Variants in ANKRD44 observed in about 807,000 individuals in gnomAD.
ANKRD44 encodes serine/threonine-protein phosphatase 6 regulatory ankyrin repeat subunit B.
ANKRD44 carries 35 observed loss-of-function variants against 116.0 expected under a neutral mutation model. The ratio of observed to expected loss-of-function variants is 0.30; its 90% CI spans 0.23 to 0.40. ANKRD44 has a LOEUF of 0.40. ANKRD44 is among the 10% of genes least tolerant of loss of function. The pLI is 1.00. For synonymous variants in ANKRD44, 435 were observed against 461.8 expected, an observed-to-expected ratio of 0.94 and a Z score of 0.74; for missense variants, 1,014 against 1,242.6, an observed-to-expected ratio of 0.82 and a Z score of 2.77.
At chr2:197,143,174 CT>C (rs1362137824) in intron 3 of ANKRD44, among the ~76,000 whole-genome samples, 35 of 140,582 alleles carry the variant, frequency 2.5e-4, no homozygotes, top group African/African-American at 8.4e-4. Context: ...GAGATGGAGT[CT>C]TTTTTTTATT....
At chr2:197,054,894 A>G in intron 16 of ANKRD44, among the ~76,000 whole-genome samples, 1 of 152,170 alleles carries the variant, frequency 6.6e-6, no homozygotes, top group East Asian at 1.9e-4. Context: ...CCCAAGGTAA[A>G]TTGAGGAAAA....
rs185864197 is a variant in ANKRD44 at position 197,059,161 on chromosome 2, G to A, written c.1650+19542C>T. On this transcript the variant is annotated intron_variant, in intron 16 of 27. Coordinates refer to ENST00000282272, the MANE Select transcript of ANKRD44 (RefSeq NM_001195144.2). ...GTAGAGGGGTAGGGGTGGGTTGGAA[G>A]GGCATGTAGCAGCTGAGGGACATGG... 8.5e-5 allele frequency among the ~76,000 whole-genome samples: 13 copies of A among 152,216 alleles called. No individual in the cohort carries two copies. The East Asian group carries it at 2.5e-3, about 29-fold the overall frequency.
Position 197,293,087 on chromosome 2 carries a change from T to C in ANKRD44, c.27+17491A>G, listed in dbSNP as rs73988424. ...CAATATTTTATATCACCAATCTTTT[T>C]ACTAGGGTTATTTACATAACCAAAA... is the stretch of plus-strand genomic sequence containing the variant. On this transcript the variant is annotated intron_variant, in intron 1 of 27. Transcript: ENST00000282272. Among the ~76,000 whole-genome samples, 628 of 152,306 alleles carry C rather than the reference T, an allele frequency of 4.1e-3. 4 individuals are homozygous for C. Among genetic ancestry groups the C allele is most frequent in the African/African-American group, 0.013 (547 of 41,552 alleles).
downstream of ANKRD44, among the ~76,000 whole-genome samples, chr2:196,983,549 C>G (rs1344881458): frequency 2.0e-5 from 3 of 152,120 alleles, no homozygotes; most frequent in Non-Finnish European, 4.4e-5. Flanking sequence ...TTCTTAGGAA[C>G]CCCAACTATA....
intron 1 of ANKRD44, chr2:197,198,220 T>A (rs2081004714): frequency 6.6e-6 from 1 of 152,236 alleles, no homozygotes; most frequent in Admixed American, 6.5e-5. Flanking sequence ...TAGACAGGGA[T>A]CCTATCATGG....
At chr2:197,206,708 C>T (rs2081214785) in intron 1 of ANKRD44, among the ~76,000 whole-genome samples, 1 of 152,132 alleles carries the variant, frequency 6.6e-6, no homozygotes, top group Non-Finnish European at 1.5e-5. Context: ...GAGCGAGACT[C>T]CTCCGTCTCA....
intron 16 of ANKRD44, among the ~76,000 whole-genome samples, chr2:197,066,643 A>T (rs763255858): frequency 6.6e-6 from 1 of 152,194 alleles, no homozygotes; most frequent in African/African-American, 2.4e-5. Context: ...TTATACACCA[A>T]TAACAGACAA....
Position 196,988,931 on chromosome 2 carries a change from G to A in ANKRD44, c.*660C>T, listed in dbSNP as rs1181216081. The A allele has an allele frequency of 1.0e-6, 1 of 985,304 alleles. No homozygotes were observed. Among genetic ancestry groups the A allele is most frequent in the Non-Finnish European group, 1.2e-6 (1 of 829,954 alleles). 61.0% of individuals were successfully genotyped at this position (985,304 alleles called of 1,614,324 possible). On this transcript the variant is annotated 3_prime_UTR_variant, in exon 28 of 28. Coordinates refer to ENST00000282272, the MANE Select transcript of ANKRD44 (RefSeq NM_001195144.2). ...TGTATATGATCCACTACACATCTGAGTTTTCATCTCGCAGAAGGGCATCCA... is the reference window on the plus strand; with the variant it reads ...TGTATATGATCCACTACACATCTGAATTTTCATCTCGCAGAAGGGCATCCA...
intron 16 of ANKRD44, among the ~76,000 whole-genome samples, chr2:197,065,977 A>C (rs2077424253): frequency 6.6e-6 from 1 of 152,188 alleles, no homozygotes; most frequent in Non-Finnish European, 1.5e-5. Flanking sequence ...CCTGGCAGAG[A>C]CACAACAAAA....
intron 1 of ANKRD44, among the ~76,000 whole-genome samples, chr2:197,238,130 C>T (rs1030359501): frequency 1.3e-5 from 2 of 152,200 alleles, no homozygotes; most frequent in East Asian, 3.8e-4. Flanking sequence ...ACAGTTTGTA[C>T]AGTCATTATA....
intron 9 of ANKRD44, among the ~76,000 whole-genome samples, chr2:197,105,226 G>C (rs2078397371): frequency 6.6e-6 from 1 of 151,986 alleles, no homozygotes; most frequent in African/African-American, 2.4e-5. Context: ...TGATTCTCCT[G>C]TCTCATCCTC....
At chr2:197,240,003 T>C (rs1204604102) in intron 1 of ANKRD44, among the ~76,000 whole-genome samples, 1 of 152,194 alleles carries the variant, frequency 6.6e-6, no homozygotes, top group Admixed American at 6.5e-5. Context: ...TTTTTGGTCA[T>C]ATAATTTCTA....
intron 1 of ANKRD44, among the ~76,000 whole-genome samples, chr2:197,223,324 A>C (rs1033959237): frequency 2.0e-5 from 3 of 152,174 alleles, no homozygotes; most frequent in Non-Finnish European, 1.5e-5. Flanking sequence ...AGGTTTTTAA[A>C]TATTTTCTGG....
chr2:197,008,593 G>A (rs1350038524), intron 19 of ANKRD44, among the ~76,000 whole-genome samples: 1 of 152,186 alleles, frequency 6.6e-6, no homozygotes, highest in East Asian at 1.9e-4. Flanking sequence ...ACCTCATGAG[G>A]TCTGTCCTAT....
rs2081130957 is a variant in ANKRD44 at position 197,203,128 on chromosome 2, G to T, written c.28-16022C>A. 6.6e-6 allele frequency among the ~76,000 whole-genome samples: 1 copy of T among 152,010 alleles called. No individual in the cohort carries two copies. Among genetic ancestry groups the T allele is most frequent in the Non-Finnish European group, 1.5e-5 (1 of 68,012 alleles). ...GAAATCCTACTCCTTTGACCCCACAGTCCCTCTTCAGGGAGGCTGTCCTAT... is the reference window on the plus strand; with the variant it reads ...GAAATCCTACTCCTTTGACCCCACATTCCCTCTTCAGGGAGGCTGTCCTAT... On this transcript the variant is annotated intron_variant, in intron 1 of 27. Transcript: ENST00000282272. This position sits in a 1 kb window ranked among gnomAD's most constrained non-coding sequence, Gnocchi z 4.1.
At chr2:197,183,306 T>C (rs760265099) in intron 2 of ANKRD44, among the ~76,000 whole-genome samples, 1 of 151,956 alleles carries the variant, frequency 6.6e-6, no homozygotes, top group Non-Finnish European at 1.5e-5. Flanking sequence ...ATTAAGTGAA[T>C]AAATGAGGGG....
At chr2:197,082,633 T>C (rs921714482) in intron 14 of ANKRD44, among the ~76,000 whole-genome samples, 10 of 152,224 alleles carry the variant, frequency 6.6e-5, no homozygotes, top group African/African-American at 1.9e-4. Flanking sequence ...CTAAAAGCCA[T>C]TGCTCTACAA....
chr2:197,278,000 C>G (rs189049960), intron 1 of ANKRD44, among the ~76,000 whole-genome samples: 2 of 152,144 alleles, frequency 1.3e-5, no homozygotes. Context: ...CACACTGCTT[C>G]GACAGTTCTA....
chr2:197,113,685 T>C (rs375268970), intron 8 of ANKRD44, among the ~76,000 whole-genome samples: 5 of 152,210 alleles, frequency 3.3e-5, no homozygotes, highest in African/African-American at 1.2e-4. Context: ...ATTTCAGGGA[T>C]AGCAAACACC....
Sources: allele counts gnomAD v4.1 joint callset (sites outside exome capture counted in the v4.1 genomes callset), GRCh38; gene constraint gnomAD v4.1.1; non-coding constraint Gnocchi (gnomAD v3.1); transcripts MANE v1.5; gene names NCBI Gene and HGNC (gene_info 2026-07-23, HGNC 2026-07-21).